Variants in EPG5 observed in about 807,000 individuals in gnomAD.
EPG5 encodes the protein ectopic P granules protein 5 homolog.
In EPG5, 159 loss-of-function variants were observed where a neutral mutation model predicts 302.7. The observed-to-expected ratio is 0.53, with a 90% CI of 0.46 to 0.60. The LOEUF (loss-of-function observed/expected upper bound fraction) is 0.60, where lower values mean the gene tolerates loss of function less well. Ranked by LOEUF, EPG5 falls within the 20% of genes least tolerant of loss-of-function variation. EPG5 has a pLI of 0.00. For synonymous variants in EPG5, 1,158 were observed against 1,136.8 expected (o/e 1.02, Z -0.37); for missense variants, 2,896 against 3,092.4 (o/e 0.94, Z 1.51).
chr18:45,813,358 C>T, the EPG5 span, among the ~76,000 whole-genome samples: 170 of 152,252 alleles, frequency 1.1e-3, no homozygotes, highest in African/African-American at 4.0e-3. Context: ...GTCAGTGTGG[C>T]GATTTCTCAA....
chr18:45,925,698 G>T, intron 14 of EPG5, 40 bp downstream of exon 14: 2 of 1,400,182 alleles, frequency 1.4e-6, no homozygotes, highest in Non-Finnish European at 1.9e-6. Flanking sequence ...ACAGATGCAT[G>T]TACAACCTCC....
chr18:45,943,992 G>C lies in EPG5; in HGVS notation c.1792+13C>G. 1 of 1,539,430 alleles carries C rather than the reference G, an allele frequency of 6.5e-7. No individual in the cohort carries two copies. Among genetic ancestry groups the C allele is most frequent in the Non-Finnish European group, 9.0e-7 (1 of 1,112,152 alleles). ...CCACTACCACATTTTACACTTAAGA[G>C]AAATGAGTCTACCTTTTGCTTTAAA... On this transcript the variant is annotated intron_variant, in intron 8 of 43. Transcript: ENST00000282041.
At chr18:45,870,189 C>T (rs2048839358) in intron 36 of EPG5, among the ~76,000 whole-genome samples, 1 of 152,142 alleles carries the variant, frequency 6.6e-6, no homozygotes, top group Non-Finnish European at 1.5e-5. Context: ...TACCAATTTA[C>T]ATTTGCTTTA....
chr18:45,833,017 C>T, the EPG5 span, among the ~76,000 whole-genome samples: 1 of 152,154 alleles, frequency 6.6e-6, no homozygotes, highest in Non-Finnish European at 1.5e-5. Flanking sequence ...TGGTGAAAGA[C>T]CCTCTGTGTT....
the EPG5 span, chr18:45,837,462 G>A: frequency 1.4e-6 from 2 of 1,424,640 alleles, no homozygotes; most frequent in Non-Finnish European, 1.8e-6. Context: ...CCCGGGTGCG[G>A]GCGCCTCGAC....
chr18:45,930,629 C>G, intron 12 of EPG5, 47 bp downstream of exon 12: 5 of 1,469,654 alleles, frequency 3.4e-6, no homozygotes, highest in Non-Finnish European at 4.5e-6. Flanking sequence ...GATGGACAAT[C>G]CAAAAGAAAA....
intron 33 of EPG5, 118 bp downstream of exon 33, chr18:45,878,895 T>C: frequency 1.3e-6 from 1 of 768,350 alleles, no homozygotes; most frequent in Non-Finnish European, 2.2e-6. Context: ...ATGCCTGTTC[T>C]ATATATTTCT....
chr18:45,876,223 G>A lies in EPG5; in HGVS notation c.6049+13C>T, dbSNP rs763861367. Reference sequence around the variant, plus strand: ...AATGAAAACTAAGCAGAGACAGCCTGACATCTTCCTACCTTTAAAACTCTC... The same window carrying A: ...AATGAAAACTAAGCAGAGACAGCCTAACATCTTCCTACCTTTAAAACTCTC... On this transcript the variant is annotated intron_variant, in intron 35 of 43. Transcript: ENST00000282041. 6.3e-7 allele frequency: 1 copy of A among 1,580,066 alleles called. No individual in the cohort carries two copies. Among genetic ancestry groups the A allele is most frequent in the Non-Finnish European group, 8.7e-7 (1 of 1,149,016 alleles).
chr18:45,831,250 T>C, the EPG5 span, among the ~76,000 whole-genome samples: 1 of 152,234 alleles, frequency 6.6e-6, no homozygotes, highest in South Asian at 2.1e-4. Flanking sequence ...CAAAGCCTTC[T>C]GGGTTCACTC....
At chr18:45,965,084 C>T (rs1364729550) in intron 1 of EPG5, among the ~76,000 whole-genome samples, 2 of 152,128 alleles carry the variant, frequency 1.3e-5, no homozygotes, top group Non-Finnish European at 1.5e-5. Context: ...ATCAAGAAAA[C>T]GTGGTAAATA....
In EPG5 at chr18:45,860,375, T is replaced by C. The variant is rs772963673; in HGVS notation, c.6767-29A>G. On this transcript the variant is annotated intron_variant, in intron 39 of 43. Coordinates refer to ENST00000282041, the MANE Select transcript of EPG5 (RefSeq NM_020964.3). ...AAAGGAATATAGACACACTCAAGAA[T>C]GGCTGCCAGAAAGGTACTATCCATG... 22 of 1,613,760 alleles carry C rather than the reference T, an allele frequency of 1.4e-5. No individual in the cohort carries two copies. The South Asian group carries it at 2.3e-4, about 17-fold the overall frequency.
chr18:45,904,370 T>C (rs2049697991), intron 24 of EPG5, among the ~76,000 whole-genome samples: 2 of 152,220 alleles, frequency 1.3e-5, no homozygotes, highest in Admixed American at 6.5e-5. Flanking sequence ...GTAAATTATA[T>C]ACATACACTA....
At chr18:45,945,722 T>C (rs558217251) in intron 7 of EPG5, among the ~76,000 whole-genome samples, 1 of 152,276 alleles carries the variant, frequency 6.6e-6, no homozygotes, top group East Asian at 1.9e-4. Flanking sequence ...CAATCTGTAC[T>C]GGCTCCTAAG....
chr18:45,884,878 A>G, intron 29 of EPG5, 67 bp from the exon 30 acceptor site: 2 of 1,139,414 alleles, frequency 1.8e-6, no homozygotes, highest in East Asian at 3.0e-5. Flanking sequence ...AAGCAAGCAA[A>G]TTTTTAAGGG....
rs183227365 is a variant in EPG5 at position 45,914,665 on chromosome 18, A to G, written c.3694-837T>C. On this transcript the variant is annotated intron_variant, in intron 20 of 43. Transcript: ENST00000282041. Reference sequence around the variant, plus strand: ...TAGGTAGGCAAGCTGCCCAAGGCACAGAGCTAACAAACGGCAGAAACCAGA... The same window carrying G: ...TAGGTAGGCAAGCTGCCCAAGGCACGGAGCTAACAAACGGCAGAAACCAGA... Among the ~76,000 whole-genome samples, 39 of 152,390 alleles carry G rather than the reference A, an allele frequency of 2.6e-4. No individual in the cohort carries two copies. In the East Asian group the frequency reaches 7.5e-3, roughly 29 times the overall value.
At chr18:45,939,876 A>G in intron 9 of EPG5, 121 bp from the exon 10 acceptor site, 1 of 876,928 alleles carries the variant, frequency 1.1e-6, no homozygotes, top group East Asian at 2.7e-5. Context: ...TCCACCTACT[A>G]TTGTCCAGGT....
At chr18:45,853,922 T>C (rs576740018) in intron 43 of EPG5, among the ~76,000 whole-genome samples, 1 of 152,304 alleles carries the variant, frequency 6.6e-6, no homozygotes, top group East Asian at 1.9e-4. Flanking sequence ...TGCCTAACGA[T>C]AATCATTTTC....
Position 45,950,966 on chromosome 18 carries a change from AAAG to A in EPG5, c.1389+133_1389+135del, listed in dbSNP as rs145225554. ...TAACTTACTACCATGTATCATGATCAAAGAAAAGTCATTAATAAACTCATCAAA... is the reference window on the plus strand; with the variant it reads ...TAACTTACTACCATGTATCATGATCAAAAAGTCATTAATAAACTCATCAAA... On this transcript the variant is annotated intron_variant, in intron 4 of 43. Coordinates refer to ENST00000282041, the MANE Select transcript of EPG5 (RefSeq NM_020964.3). 0.092 allele frequency: 54,517 copies of A among 589,840 alleles called. 3,150 individuals are homozygous for A. The highest frequency in any genetic ancestry group is 0.22 in the African/African-American group (11,354 of 52,212). The allele number at this position is 589,840 out of a possible 1,614,324, so 36.5% of individuals were successfully genotyped here. A position where few individuals can be genotyped will look rare whatever the true frequency, so the allele number is the denominator to read the frequency against.
chr18:45,827,667 A>G, the EPG5 span, among the ~76,000 whole-genome samples: 4 of 152,172 alleles, frequency 2.6e-5, no homozygotes, highest in East Asian at 3.9e-4. Context: ...GATTCATTAG[A>G]CACTACATCA....
Sources: allele counts gnomAD v4.1 joint callset (sites outside exome capture counted in the v4.1 genomes callset), GRCh38; gene constraint gnomAD v4.1.1; transcripts MANE v1.5; gene names NCBI Gene and HGNC (gene_info 2026-07-23, HGNC 2026-07-21).